GLIS1: variants seen among roughly 807,000 people sequenced by gnomAD.
GLIS1 encodes the protein zinc finger protein GLIS1.
Under a neutral mutation model 63.8 loss-of-function variants are expected in GLIS1, and 24 were observed. The ratio of observed to expected loss-of-function variants is 0.38; its 90% CI spans 0.27 to 0.53. The LOEUF (loss-of-function observed/expected upper bound fraction) is 0.53. Ranked by LOEUF, GLIS1 falls within the 20% of genes least tolerant of loss-of-function variation. The pLI is 0.85. For missense variants in GLIS1, 1,036 were observed against 1,074.1 expected (o/e 0.96, Z 0.50); for synonymous variants, 450 against 482.5 (o/e 0.93, Z 0.88).
At chr1:53,554,399 G>C (rs1430721592) in intron 4 of GLIS1, among the ~76,000 whole-genome samples, 1 of 152,162 alleles carries the variant, frequency 6.6e-6, no homozygotes, top group African/African-American at 2.4e-5. Context: ...GGTGATGTGT[G>C]GTAACTGAGG....
At chr1:53,730,010 T>C (rs1214677473) in intron 2 of GLIS1, among the ~76,000 whole-genome samples, 2 of 152,146 alleles carry the variant, frequency 1.3e-5, no homozygotes, top group African/African-American at 2.4e-5. Context: ...GTGGAAGTGA[T>C]TGAGTTTCAT....
At chr1:53,725,018 C>T (rs1038377028) in intron 2 of GLIS1, among the ~76,000 whole-genome samples, 1 of 152,190 alleles carries the variant, frequency 6.6e-6, no homozygotes, top group Non-Finnish European at 1.5e-5. Flanking sequence ...GCAAATAGCT[C>T]TTCCGTATTC....
Position 53,574,123 on chromosome 1 carries a change from C to T in GLIS1, c.1320+19985G>A, listed in dbSNP as rs774564076. 2.6e-5 allele frequency among the ~76,000 whole-genome samples: 4 copies of T among 152,196 alleles called. No individual in the cohort carries two copies. Among genetic ancestry groups the T allele is most frequent in the Non-Finnish European group, 5.9e-5 (4 of 68,030 alleles). On this transcript the variant is annotated intron_variant, in intron 4 of 10. Coordinates refer to ENST00000628545, the MANE Select transcript of GLIS1 (RefSeq NM_001367484.1). This position sits in a 1 kb window ranked among gnomAD's most constrained non-coding sequence, Gnocchi z 4.2. ...GGGTGGGGCCTCACCACTCTGAGAC[C>T]ACCCACACCTCTGTGGTCCTGGTTC...
chr1:53,726,741 C>T (rs1646809478), intron 2 of GLIS1, among the ~76,000 whole-genome samples: 1 of 152,168 alleles, frequency 6.6e-6, no homozygotes, highest in African/African-American at 2.4e-5. Context: ...GGGGAAACCA[C>T]TATGCCCACC....
intron 2 of GLIS1, among the ~76,000 whole-genome samples, chr1:53,621,969 AT>A (rs1441104634): frequency 4.6e-5 from 7 of 151,886 alleles, no homozygotes; most frequent in African/African-American, 2.4e-5. Context: ...TGCCATCTGT[AT>A]TTTTTAGTAG....
intron 4 of GLIS1, among the ~76,000 whole-genome samples, chr1:53,565,791 T>C (rs7522871): frequency 0.053 from 8,120 of 151,996 alleles, 698 homozygotes; most frequent in African/African-American, 0.19. Context: ...TCTAATCTTA[T>C]ACAAATTCTT....
intron 2 of GLIS1, among the ~76,000 whole-genome samples, chr1:53,625,868 C>T (rs1479766120): frequency 3.3e-5 from 5 of 152,188 alleles, no homozygotes; most frequent in East Asian, 1.9e-4. Flanking sequence ...AGCACAGGGG[C>T]GCAGGTGGCC....
intron 2 of GLIS1, among the ~76,000 whole-genome samples, chr1:53,701,288 T>C (rs1646520236): frequency 6.6e-6 from 1 of 152,238 alleles, no homozygotes; most frequent in East Asian, 1.9e-4. Context: ...CAACTCTTGT[T>C]ACTGTCTTTT....
intron 2 of GLIS1, among the ~76,000 whole-genome samples, chr1:53,709,270 C>T (rs1414276275): frequency 6.6e-6 from 1 of 150,508 alleles, no homozygotes; most frequent in Non-Finnish European, 1.5e-5. Context: ...TAAAAATATG[C>T]TTGTTAATTT....
intron 2 of GLIS1, among the ~76,000 whole-genome samples, chr1:53,719,125 T>G (rs1214130645): frequency 1.3e-5 from 2 of 152,238 alleles, no homozygotes; most frequent in East Asian, 3.8e-4. Flanking sequence ...CCCAGGTCCT[T>G]GAACACTGCC....
At chr1:53,674,007 A>G (rs1284266824) in intron 2 of GLIS1, among the ~76,000 whole-genome samples, 2 of 152,048 alleles carry the variant, frequency 1.3e-5, no homozygotes, top group Non-Finnish European at 2.9e-5. Flanking sequence ...CCCCGTCTCT[A>G]TGAAAAATAC....
intron 2 of GLIS1, among the ~76,000 whole-genome samples, chr1:53,662,466 T>C (rs915786201): frequency 1.3e-5 from 2 of 152,128 alleles, no homozygotes; most frequent in Non-Finnish European, 2.9e-5. Flanking sequence ...ATGATGATGA[T>C]GGCGGCAAGG....
intron 2 of GLIS1, among the ~76,000 whole-genome samples, chr1:53,687,982 C>T (rs1014931373): frequency 1.3e-5 from 2 of 152,192 alleles, no homozygotes; most frequent in Non-Finnish European, 2.9e-5. Flanking sequence ...ACCTCAAGCC[C>T]GGAGGACCCA....
intron 2 of GLIS1, among the ~76,000 whole-genome samples, chr1:53,673,073 A>G (rs1210570191): frequency 7.2e-5 from 11 of 152,192 alleles, no homozygotes. Flanking sequence ...TCATGCCTAT[A>G]AAGGCCTAAG....
intron 2 of GLIS1, among the ~76,000 whole-genome samples, chr1:53,659,518 G>A (rs1038300111): frequency 6.6e-6 from 1 of 152,216 alleles, no homozygotes; most frequent in Admixed American, 6.5e-5. Context: ...AGGTCACATG[G>A]TGAGTTGGTG....
intron 2 of GLIS1, among the ~76,000 whole-genome samples, chr1:53,626,584 A>G (rs1264978662): frequency 1.3e-5 from 2 of 152,184 alleles, no homozygotes; most frequent in Non-Finnish European, 2.9e-5. Flanking sequence ...ATCTGTTGAC[A>G]TCTTTGTTTT....
chr1:53,597,246 G>A (rs961461183), intron 3 of GLIS1, among the ~76,000 whole-genome samples: 15 of 138,510 alleles, frequency 1.1e-4, no homozygotes, highest in African/African-American at 3.2e-4. Context: ...GGTGGCGGGC[G>A]CCTGTAGTCC....
intron 2 of GLIS1, among the ~76,000 whole-genome samples, chr1:53,716,183 G>C (rs570272896): frequency 6.6e-6 from 1 of 152,322 alleles, no homozygotes; most frequent in Admixed American, 6.5e-5. Context: ...TACAGACTGG[G>C]CTCTTTCAGG....
chr1:53,719,945 G>C (rs535381973), intron 2 of GLIS1, among the ~76,000 whole-genome samples: 8 of 152,212 alleles, frequency 5.3e-5, no homozygotes, highest in Non-Finnish European at 1.0e-4. Flanking sequence ...GGAGGCTGGG[G>C]CAGGTGGATC....
Sources: allele counts gnomAD v4.1 joint callset (sites outside exome capture counted in the v4.1 genomes callset), GRCh38; gene constraint gnomAD v4.1.1; non-coding constraint Gnocchi (gnomAD v3.1); transcripts MANE v1.5; gene names NCBI Gene and HGNC (gene_info 2026-07-23, HGNC 2026-07-21).